The following ARAP2 variants were observed in gnomAD, a reference collection of about 807,000 sequenced individuals.
ARAP2 encodes the protein ArfGAP with RhoGAP domain, ankyrin repeat and PH domain 2, also known as arf-GAP with Rho-GAP domain, ANK repeat and PH domain-containing protein 2.
A neutral mutation model predicts 194.5 loss-of-function variants in ARAP2; 148 were observed. The observed-to-expected ratio is 0.76, with a 90% CI of 0.67 to 0.87. ARAP2 has a LOEUF of 0.87. ARAP2 is among the 40% of genes least tolerant of loss of function. The pLI, the probability that ARAP2 is intolerant of heterozygous loss-of-function variation, is 0.00. For synonymous variants in ARAP2, 695 were observed against 683.5 expected (o/e 1.02, Z -0.26); for missense variants, 2,128 against 1,989.7 (o/e 1.07, Z -1.32).
rs1442074524 is a variant in ARAP2, at chr4:36,067,992, G to A, written c.5030C>T (p.Ser1677Leu). Residue 1677 changes from serine (S) to leucine (L), a missense_variant, in exon 33 of 33, where the codon TCA (serine) becomes TTA (leucine). Transcript: ENST00000303965. ...ATLDSDHKLPSRVIEELNVVL... is the reference protein window; with the variant it reads ...ATLDSDHKLPLRVIEELNVVL... ...CACATTAAGTTCTTCAATTACCCTT[G>A]ATGGTAACTTATGATCAGAGTCCAA... The A allele has an allele frequency of 6.2e-7, 1 of 1,614,154 alleles. No individual in the cohort carries two copies. The highest frequency in any genetic ancestry group is 8.5e-7 in the Non-Finnish European group (1 of 1,179,976).
chr4:36,058,381 A>G (rs181774885), intron 1 of ARAP2, among the ~76,000 whole-genome samples: 2 of 152,308 alleles, frequency 1.3e-5, no homozygotes, highest in Non-Finnish European at 2.9e-5. Flanking sequence ...CAAGACTGCA[A>G]AAGCTCTGCT....
chr4:36,029,830 T>C (rs560574405), intron 5 of ARAP2, among the ~76,000 whole-genome samples: 1 of 152,160 alleles, frequency 6.6e-6, no homozygotes, highest in South Asian at 2.1e-4. Flanking sequence ...GACTTAGCAG[T>C]TTACAATCTA....
At chr4:36,140,987 A>G (rs1290584544) in intron 19 of ARAP2, among the ~76,000 whole-genome samples, 1 of 151,696 alleles carries the variant, frequency 6.6e-6, no homozygotes, top group African/African-American at 2.4e-5. Context: ...CAAAAGCATA[A>G]TAAGTGTCTA....
intron 27 of ARAP2, among the ~76,000 whole-genome samples, chr4:36,105,185 T>C (rs1305520596): frequency 6.6e-6 from 1 of 151,974 alleles, no homozygotes; most frequent in Admixed American, 6.6e-5. Context: ...ACAGGCATTG[T>C]GATGAGCACC....
At chr4:36,108,498 A>T (rs969798626) in intron 26 of ARAP2, among the ~76,000 whole-genome samples, 4 of 151,950 alleles carry the variant, frequency 2.6e-5, no homozygotes, top group African/African-American at 9.7e-5. Context: ...ATATTTAACT[A>T]CTAGTGGGAA....
intron 5 of ARAP2, among the ~76,000 whole-genome samples, chr4:36,036,480 A>G (rs944529088): frequency 6.6e-6 from 1 of 152,140 alleles, no homozygotes; most frequent in African/African-American, 2.4e-5. Flanking sequence ...CAAAATAAAT[A>G]AAAAGAAATA....
intron 31 of ARAP2, among the ~76,000 whole-genome samples, chr4:36,076,001 A>G (rs947418429): frequency 6.6e-5 from 10 of 152,236 alleles, no homozygotes; most frequent in Non-Finnish European, 1.3e-4. Context: ...TGGTGATCTC[A>G]CTGATTCAAT....
In ARAP2 at chr4:36,150,998, G is replaced by C; in HGVS notation, c.2799C>G (p.Tyr933Ter). ...WCVLEGGFLS[Y>*]YENDKSTTPN... ...GTGTGGTAGACTTATCATTTTCATA[G>C]TAACTCAAGAAGCCTCCTTCCAAAA... Residue 933 changes from tyrosine (Y) to a stop codon, truncating the protein, a stop_gained, in exon 16 of 33, where the codon TAC becomes TAG. Transcript: ENST00000303965. LOFTEE classifies it high-confidence loss of function. The C allele has an allele frequency of 6.2e-7, 1 of 1,611,336 alleles. No homozygotes were observed. Among genetic ancestry groups the C allele is most frequent in the South Asian group, 1.1e-5 (1 of 90,314 alleles).
intron 5 of ARAP2, among the ~76,000 whole-genome samples, chr4:36,036,787 G>T (rs1720010391): frequency 6.6e-6 from 1 of 152,060 alleles, no homozygotes; most frequent in African/African-American, 2.4e-5. Flanking sequence ...TACAAAACCA[G>T]AAAATTTATT....
intron 2 of ARAP2, among the ~76,000 whole-genome samples, chr4:36,216,346 A>G (rs1747936375): frequency 6.6e-6 from 1 of 152,256 alleles, no homozygotes; most frequent in Non-Finnish European, 1.5e-5. Flanking sequence ...ACACATTAGA[A>G]TAGCTAAAAT....
Position 36,187,467 on chromosome 4 carries a change from A to T in ARAP2, c.1662T>A (p.Phe554Leu). 1 of 1,448,194 alleles carries T rather than the reference A, an allele frequency of 6.9e-7. No individual in the cohort carries two copies. The highest frequency in any genetic ancestry group is 1.4e-5 in the South Asian group (1 of 70,382). The allele number at this position is 1,448,194 out of a possible 1,614,324, so 89.7% of individuals were successfully genotyped here. A position where few individuals can be genotyped will look rare whatever the true frequency, so the allele number is the denominator to read the frequency against. The change falls in exon 8 of 33, where the codon TTT becomes TTA. Residue 554 changes from phenylalanine to leucine, a missense_variant. Physicochemically the swap from Phe to Leu is conservative, Grantham distance 22 (BLOSUM62 0). Transcript: ENST00000303965. ...TAATCTCACCTTCTTTTTCTACTCTAAAAACAAAAGTTCTTTGTGTTGTAA... is the reference window on the plus strand; with the variant it reads ...TAATCTCACCTTCTTTTTCTACTCTTAAAACAAAAGTTCTTTGTGTTGTAA... The part of the protein sequence containing the change: ...EVVTTQRTFV[F>L]RVEKEEERND...
intron 2 of ARAP2, among the ~76,000 whole-genome samples, chr4:36,215,536 T>C (rs982723185): frequency 3.9e-5 from 6 of 152,260 alleles, no homozygotes; most frequent in African/African-American, 1.4e-4. Context: ...GTAGGAAAGA[T>C]TCCTTAAATA....
chr4:36,197,275 T>C lies in ARAP2; in HGVS notation c.1488-3628A>G, dbSNP rs114913766. 5.7e-3 allele frequency among the ~76,000 whole-genome samples: 869 copies of C among 152,268 alleles called. 5 individuals carry two copies. The highest frequency in any genetic ancestry group is 0.013 in the South Asian group (62 of 4,822). On this transcript the variant is annotated intron_variant, in intron 6 of 32. Coordinates refer to ENST00000303965, the MANE Select transcript of ARAP2 (RefSeq NM_015230.4). ...GAGTACAGAATCCATTTCTGTTTCGTTCATCAATATAAAACCAGTGACTAT... is the reference window on the plus strand; with the variant it reads ...GAGTACAGAATCCATTTCTGTTTCGCTCATCAATATAAAACCAGTGACTAT...
In ARAP2 at chr4:36,082,233, T is replaced by C; in HGVS notation, c.4544+18A>G. 6.2e-7 allele frequency: 1 copy of C among 1,606,954 alleles called. No individual in the cohort carries two copies. The highest frequency in any genetic ancestry group is 8.5e-7 in the Non-Finnish European group (1 of 1,175,684). On this transcript the variant is annotated intron_variant, in intron 30 of 32. Transcript: ENST00000303965. ...TCACCAATATATTATGTCCAAAAGT[T>C]GTCAGCTGTTAACTTACCAGTGATG...
chr4:36,220,921 A>G (rs1362229348), intron 2 of ARAP2, among the ~76,000 whole-genome samples: 1 of 152,106 alleles, frequency 6.6e-6, no homozygotes, highest in African/African-American at 2.4e-5. Context: ...AATCTAGTGT[A>G]GCCTAAGTGT....
In ARAP2 at chr4:36,228,376, TAA is replaced by T. The variant is rs571108555; in HGVS notation, c.905+204_905+205del. On this transcript the variant is annotated intron_variant, in intron 2 of 32. Coordinates refer to ENST00000303965, the MANE Select transcript of ARAP2 (RefSeq NM_015230.4). ...TCCCCCCGCTTAAATAGGGAAAAGCTAAAGAGTCCCAGGCATTATTAGCTGGA... is the reference window on the plus strand; with the variant it reads ...TCCCCCCGCTTAAATAGGGAAAAGCTAGAGTCCCAGGCATTATTAGCTGGA... Among the ~76,000 whole-genome samples, 112 of 152,232 alleles carry T rather than the reference TAA, an allele frequency of 7.4e-4. 2 individuals are homozygous for T. In the South Asian group the frequency reaches 0.022, roughly 30 times the overall value.
Position 36,103,917 on chromosome 4 carries a change from G to C in ARAP2, c.4285+3648C>G, listed in dbSNP as rs112774342. Among the ~76,000 whole-genome samples, 913 of 151,896 alleles carry C rather than the reference G, an allele frequency of 6.0e-3. 4 individuals are homozygous for C. Among genetic ancestry groups the C allele is most frequent in the Admixed American group, 1.0e-2 (152 of 15,208 alleles). The stretch of plus-strand genomic sequence containing the variant: ...CAAATTTTTTATATAACATTCTCGC[G>C]TTAAAAGGAAGTGGTGAAAACATAA... On this transcript the variant is annotated intron_variant, in intron 27 of 32. Coordinates refer to ENST00000303965, the MANE Select transcript of ARAP2 (RefSeq NM_015230.4).
intron 5 of ARAP2, among the ~76,000 whole-genome samples, chr4:36,034,592 A>G (rs1383585911): frequency 5.9e-5 from 9 of 152,046 alleles, no homozygotes; most frequent in Admixed American, 5.9e-4. Flanking sequence ...CCTGCAAACA[A>G]AGATCTTTAG....
chr4:36,093,700 G>C (rs1714387820), intron 27 of ARAP2, among the ~76,000 whole-genome samples: 1 of 152,028 alleles, frequency 6.6e-6, no homozygotes, highest in Non-Finnish European at 1.5e-5. Flanking sequence ...CTGAGGTTTG[G>C]GGTTCCATTG....
Sources: gnomAD v4.1 joint callset for allele counts (sites outside exome capture counted in the v4.1 genomes callset) on GRCh38, gnomAD v4.1.1 for gene constraint, MANE v1.5 for transcripts, NCBI Gene and HGNC (gene_info 2026-07-23, HGNC 2026-07-21) for gene names.